Variants in RPGRIP1 observed in about 807,000 individuals in gnomAD.
The protein encoded by RPGRIP1 is RPGR interacting protein 1.
Under a neutral mutation model 157.9 loss-of-function variants are expected in RPGRIP1, and 128 were observed. The ratio of observed to expected loss-of-function variants is 0.81; its 90% CI spans 0.70 to 0.94. RPGRIP1 has a LOEUF of 0.94. Ranked by LOEUF, RPGRIP1 falls within the 40% of genes least tolerant of loss-of-function variation. The pLI is 0.00. For missense variants in RPGRIP1, 1,486 were observed against 1,545.8 expected (o/e 0.96, Z 0.65); for synonymous variants, 554 against 571.6 (o/e 0.97, Z 0.44).
intron 24 of RPGRIP1, among the ~76,000 whole-genome samples, chr14:21,350,430 G>T (rs1420959768): frequency 6.6e-6 from 1 of 150,790 alleles, no homozygotes; most frequent in African/African-American, 2.4e-5. Context: ...AGCACATATT[G>T]TCTTGTGAAA....
At chr14:21,287,709 C>T (rs757980858) in intron 1 of RPGRIP1, among the ~76,000 whole-genome samples, 1 of 152,134 alleles carries the variant, frequency 6.6e-6, no homozygotes, top group Non-Finnish European at 1.5e-5. Flanking sequence ...GAAATGATAT[C>T]CATCAATTCC....
chr14:21,315,053 G>A (rs573886143), intron 10 of RPGRIP1, among the ~76,000 whole-genome samples: 8 of 151,538 alleles, frequency 5.3e-5, no homozygotes, highest in East Asian at 3.9e-4. Flanking sequence ...GCATGGTGGC[G>A]TGCATCTGTA....
intron 3 of RPGRIP1, among the ~76,000 whole-genome samples, 197 bp downstream of exon 3, chr14:21,295,006 G>A (rs750443729): frequency 1.3e-5 from 2 of 151,706 alleles, no homozygotes; most frequent in African/African-American, 2.4e-5. Context: ...ACCATGCCCA[G>A]CTAATTTAGT....
chr14:21,348,187 G>T lies in RPGRIP1; in HGVS notation c.3633G>T (p.Val1211=). ...TTCTTTTTAGTTTAAAGTTTACAGT[G>T]GTAAGTGATCCTCTGGATGAAGAAA... ...DPDQGHLKFT[V]VSDPLDEEKK... is the part of the protein sequence containing the mutation. The change falls in exon 24 of 25, where the codon GTG becomes GTT. Residue 1211 remains valine, a synonymous_variant. Transcript: ENST00000400017. The T allele has an allele frequency of 6.3e-7, 1 of 1,583,144 alleles. No homozygotes were observed.
chr14:21,306,519 C>A (rs1054006878), intron 6 of RPGRIP1, among the ~76,000 whole-genome samples: 1 of 150,680 alleles, frequency 6.6e-6, no homozygotes, highest in African/African-American at 2.4e-5. Flanking sequence ...AGTGCAGTGG[C>A]GAGATCTCAG....
intron 1 of RPGRIP1, among the ~76,000 whole-genome samples, chr14:21,281,206 C>T (rs1043543545): frequency 6.6e-6 from 1 of 151,902 alleles, no homozygotes; most frequent in Admixed American, 6.6e-5. Flanking sequence ...TTAGTAGAGA[C>T]AGGGTTTTAC....
chr14:21,330,507 A>G (rs1191539234), intron 20 of RPGRIP1, 120 bp downstream of exon 20: 2 of 672,624 alleles, frequency 3.0e-6, no homozygotes, highest in Non-Finnish European at 4.2e-6. Context: ...CTCTACTAAA[A>G]ATACAAAAAT....
chr14:21,324,444 T>A (rs2139225446), intron 14 of RPGRIP1, 174 bp from the exon 15 acceptor site: 2 of 646,940 alleles, frequency 3.1e-6, no homozygotes, highest in African/African-American at 3.6e-5. Context: ...GCTATCGGAA[T>A]TCAATGCTCC....
chr14:21,325,448 T>G lies in RPGRIP1; in HGVS notation c.2367+65T>G. ...CAGCCAAACAGCTCATGAGCACAGTTCAGTCTTCCACTCTCAATAAGTGTT... is the reference window on the plus strand; with the variant it reads ...CAGCCAAACAGCTCATGAGCACAGTGCAGTCTTCCACTCTCAATAAGTGTT... On this transcript the variant is annotated intron_variant, in intron 16 of 24. Transcript: ENST00000400017. 5 of 1,436,426 alleles carry G rather than the reference T, an allele frequency of 3.5e-6. No individual in the cohort carries two copies. In the South Asian group the frequency reaches 5.1e-5, roughly 15 times the overall value. The allele number at this position is 1,436,426 out of a possible 1,614,324, so 89.0% of individuals were successfully genotyped here. A position where few individuals can be genotyped will look rare whatever the true frequency, so the allele number is the denominator to read the frequency against.
chr14:21,326,519 G>A (rs1437788826), intron 17 of RPGRIP1, among the ~76,000 whole-genome samples: 5 of 151,996 alleles, frequency 3.3e-5, no homozygotes, highest in African/African-American at 4.8e-5. Context: ...ACAGACATGC[G>A]CCACCACACC....
chr14:21,293,299 G>A (rs1880614843), intron 2 of RPGRIP1, among the ~76,000 whole-genome samples: 1 of 152,268 alleles, frequency 6.6e-6, no homozygotes, highest in African/African-American at 2.4e-5. Flanking sequence ...CTAGGAGGCA[G>A]CTTTGGGGAC....
intron 1 of RPGRIP1, among the ~76,000 whole-genome samples, chr14:21,280,368 C>T (rs377169095): frequency 2.7e-4 from 40 of 146,700 alleles, no homozygotes; most frequent in African/African-American, 1.0e-3. Context: ...CTCAGCCTCC[C>T]AAGTAGCTGG....
intron 1 of RPGRIP1, among the ~76,000 whole-genome samples, chr14:21,285,261 A>C (rs1880257627): frequency 6.6e-6 from 1 of 151,946 alleles, no homozygotes; most frequent in Non-Finnish European, 1.5e-5. Flanking sequence ...CTCCTGGCAA[A>C]TGAAAAGATG....
chr14:21,322,282 C>CA (rs1882586345), intron 14 of RPGRIP1, among the ~76,000 whole-genome samples: 1 of 152,070 alleles, frequency 6.6e-6, no homozygotes, highest in Non-Finnish European at 1.5e-5. Context: ...CTCAGCCTCC[C>CA]AAGTAGCTGG....
In RPGRIP1 at chr14:21,323,492, G is replaced by A. The variant is rs568612115; in HGVS notation, c.1763-1126G>A. On this transcript the variant is annotated intron_variant, in intron 14 of 24. Coordinates refer to ENST00000400017, the MANE Select transcript of RPGRIP1 (RefSeq NM_020366.4). ...CCGTGATTTATCCATGTCAGCGTGA[G>A]TCTGATAAAAGATCACTGCTTCTAC... 1.1e-4 allele frequency among the ~76,000 whole-genome samples: 17 copies of A among 151,970 alleles called. No homozygotes were observed. In the South Asian group the frequency reaches 3.1e-3, roughly 28 times the overall value.
At chr14:21,296,165 G>C (rs937900062) in intron 3 of RPGRIP1, among the ~76,000 whole-genome samples, 1 of 149,458 alleles carries the variant, frequency 6.7e-6, no homozygotes, top group African/African-American at 2.5e-5. Context: ...GCAGTGGTGC[G>C]ATCTCGGCTC....
chr14:21,293,880 T>TAA (rs1184742648), intron 2 of RPGRIP1, among the ~76,000 whole-genome samples: 1 of 139,162 alleles, frequency 7.2e-6, no homozygotes, highest in African/African-American at 2.6e-5. Context: ...CTCCGTCTCT[T>TAA]AAAAAAAAAA....
At chr14:21,346,563 A>G (rs933163349) in intron 23 of RPGRIP1, among the ~76,000 whole-genome samples, 4 of 152,230 alleles carry the variant, frequency 2.6e-5, no homozygotes, top group African/African-American at 7.2e-5. Flanking sequence ...AGGAAAAAAA[A>G]AAGTTATTTG....
At chr14:21,331,414 G>A (rs150730657) in intron 20 of RPGRIP1, among the ~76,000 whole-genome samples, 2 of 151,890 alleles carry the variant, frequency 1.3e-5, no homozygotes, top group African/African-American at 4.8e-5. Context: ...CCCAGCTACT[G>A]GGGAGGCTGA....
Sources: gnomAD v4.1 joint callset for allele counts (sites outside exome capture counted in the v4.1 genomes callset) on GRCh38, gnomAD v4.1.1 for gene constraint, MANE v1.5 for transcripts, NCBI Gene and HGNC (gene_info 2026-07-23, HGNC 2026-07-21) for gene names.